ZNF385D: variants seen among roughly 807,000 people sequenced by gnomAD.
ZNF385D encodes the protein zinc finger protein 385D, also known as zinc finger protein 659.
Under a neutral mutation model 35.8 loss-of-function variants are expected in ZNF385D, and 15 were observed. The ratio of observed to expected loss-of-function variants is 0.42; its 90% CI spans 0.28 to 0.64. The LOEUF is 0.64. ZNF385D is among the 30% of genes least tolerant of loss of function. The pLI is 0.23. For synonymous variants in ZNF385D, 212 were observed against 186.8 expected, an observed-to-expected ratio of 1.13 and a Z score of -1.10; for missense variants, 474 against 494.6, an observed-to-expected ratio of 0.96 and a Z score of 0.39.
chr3:21,762,141 T>A (rs974078178), intron 3 of ZNF385D, among the ~76,000 whole-genome samples: 1 of 152,072 alleles, frequency 6.6e-6, no homozygotes, highest in Admixed American at 6.5e-5. Flanking sequence ...CCTCCTAAAG[T>A]GCTGGGATTA....
At chr3:22,371,457 A>G (rs957104931) in intron 2 of ZNF385D, among the ~76,000 whole-genome samples, 2 of 152,130 alleles carry the variant, frequency 1.3e-5, no homozygotes, top group Non-Finnish European at 2.9e-5. Context: ...AAGACACTCC[A>G]ATGCCCAGAA....
At chr3:21,601,404 C>T (rs1344933007) in intron 2 of ZNF385D, among the ~76,000 whole-genome samples, 1 of 152,170 alleles carries the variant, frequency 6.6e-6, no homozygotes, top group African/African-American at 2.4e-5. Flanking sequence ...AATTGATTAG[C>T]ACAAAGTGTT....
intron 3 of ZNF385D, among the ~76,000 whole-genome samples, chr3:21,811,610 C>T (rs563052921): frequency 1.7e-4 from 26 of 152,222 alleles, no homozygotes; most frequent in South Asian, 1.2e-3. Flanking sequence ...TTCTCTGAAA[C>T]TTGTGAAGAA....
At chr3:21,692,968 T>C (rs1411869085) in intron 1 of ZNF385D, among the ~76,000 whole-genome samples, 1 of 152,156 alleles carries the variant, frequency 6.6e-6, no homozygotes, top group African/African-American at 2.4e-5. Context: ...TTAAATAAAG[T>C]AGAAAATTTA....
chr3:21,433,831 G>C (rs1298113192), intron 5 of ZNF385D, among the ~76,000 whole-genome samples: 6 of 152,104 alleles, frequency 3.9e-5, no homozygotes, highest in Admixed American at 1.3e-4. Flanking sequence ...AAGATTTAGT[G>C]TATATTAAAT....
chr3:22,050,580 G>C (rs1357876663), intron 3 of ZNF385D, among the ~76,000 whole-genome samples: 1 of 152,116 alleles, frequency 6.6e-6, no homozygotes, highest in Non-Finnish European at 1.5e-5. Context: ...TAGATTGTAT[G>C]TATTGAACAT....
chr3:21,627,918 A>G (rs1169989863), intron 2 of ZNF385D, among the ~76,000 whole-genome samples: 3 of 152,152 alleles, frequency 2.0e-5, no homozygotes, highest in African/African-American at 7.2e-5. Context: ...TCTAGAGTTT[A>G]TCTTAAATTT....
chr3:21,605,703 G>C (rs1039510711), intron 2 of ZNF385D, among the ~76,000 whole-genome samples: 2 of 152,132 alleles, frequency 1.3e-5, no homozygotes, highest in Admixed American at 6.5e-5. Context: ...GCAACCAACT[G>C]TAGGGTTAAC....
intron 2 of ZNF385D, among the ~76,000 whole-genome samples, chr3:22,174,358 T>C (rs1162222170): frequency 6.6e-6 from 1 of 152,136 alleles, no homozygotes; most frequent in Non-Finnish European, 1.5e-5. Flanking sequence ...AATCTCAAGT[T>C]TCTAAGACAA....
At chr3:21,489,604 T>C (rs544052531) in intron 4 of ZNF385D, among the ~76,000 whole-genome samples, 2 of 152,252 alleles carry the variant, frequency 1.3e-5, no homozygotes, top group East Asian at 1.9e-4. Context: ...AACCAACCAA[T>C]TGATGCAGTC....
chr3:21,505,374 A>G (rs1437786023), intron 4 of ZNF385D, among the ~76,000 whole-genome samples: 3 of 145,536 alleles, frequency 2.1e-5, no homozygotes, highest in Non-Finnish European at 3.0e-5. Flanking sequence ...AGATTGAAGG[A>G]ACAGACTCTT....
At chr3:21,596,617 A>T (rs2064134678) in intron 2 of ZNF385D, among the ~76,000 whole-genome samples, 1 of 149,188 alleles carries the variant, frequency 6.7e-6, no homozygotes, top group Non-Finnish European at 1.5e-5. Context: ...GCCAGCTGAG[A>T]CTACAGGCAA....
At chr3:21,854,240 C>T (rs1380696477) in intron 3 of ZNF385D, among the ~76,000 whole-genome samples, 2 of 151,894 alleles carry the variant, frequency 1.3e-5, no homozygotes, top group African/African-American at 4.8e-5. Flanking sequence ...AACCGGTTAT[C>T]ATTTCCTGGC....
chr3:22,111,540 G>C (rs942751022), intron 3 of ZNF385D, among the ~76,000 whole-genome samples: 2 of 151,996 alleles, frequency 1.3e-5, no homozygotes, highest in Admixed American at 6.6e-5. Flanking sequence ...AAAACTGTTG[G>C]ATGAGGCGCT....
At chr3:22,008,311 G>C (rs1186539687) in intron 3 of ZNF385D, among the ~76,000 whole-genome samples, 1 of 151,296 alleles carries the variant, frequency 6.6e-6, no homozygotes, top group Admixed American at 6.6e-5. Flanking sequence ...AGAACAAAAG[G>C]CAAAGTTCAA....
intron 1 of ZNF385D, among the ~76,000 whole-genome samples, chr3:21,733,580 A>G (rs567308504): frequency 6.6e-6 from 1 of 152,250 alleles, no homozygotes; most frequent in East Asian, 1.9e-4. Context: ...TTTTCCAAGC[A>G]CAAGTTATTA....
At chr3:21,602,585 TGCA>T (rs1171953698) in intron 2 of ZNF385D, among the ~76,000 whole-genome samples, 10 of 132,736 alleles carry the variant, frequency 7.5e-5, no homozygotes, top group Non-Finnish European at 1.4e-4. Flanking sequence ...GACTGCGGAC[TGCA>T]GTGGCGCAAT....
rs570377576 is a variant in ZNF385D at position 22,136,205 on chromosome 3, G to A, written c.325+32612C>T. The stretch of plus-strand genomic sequence containing the variant: ...TTGAGACCAGCCTGGGAAACATGGT[G>A]AAACCTCATCTCTACTAAAAATTAA... On this transcript the variant is annotated intron_variant, in intron 3 of 5. Coordinates refer to the ZNF385D transcript ENST00000494108. 5.3e-5 allele frequency among the ~76,000 whole-genome samples: 8 copies of A among 152,256 alleles called. No homozygotes were observed. In the South Asian group the frequency reaches 1.7e-3, roughly 32 times the overall value.
chr3:21,510,820 G>A (rs762855771), intron 4 of ZNF385D, 41 bp downstream of exon 4: 6 of 1,603,796 alleles, frequency 3.7e-6, no homozygotes, highest in East Asian at 4.5e-5. Flanking sequence ...AATCCCCAAC[G>A]ACGACGACGA....
Sources: gnomAD v4.1 joint callset for allele counts (sites outside exome capture counted in the v4.1 genomes callset) on GRCh38, gnomAD v4.1.1 for gene constraint, MANE v1.5 for transcripts, NCBI Gene and HGNC (gene_info 2026-07-23, HGNC 2026-07-21) for gene names.